Variants in KCNK13 observed in about 807,000 individuals in gnomAD.
The protein encoded by KCNK13 is potassium two pore domain channel subfamily K member 13.
Under a neutral mutation model 23.4 loss-of-function variants are expected in KCNK13, and 12 were observed. The ratio of observed to expected loss-of-function variants is 0.51; its 90% CI spans 0.33 to 0.83. KCNK13 has a LOEUF of 0.83. Ranked by LOEUF, KCNK13 falls within the 40% of genes least tolerant of loss-of-function variation. The pLI is 0.02. For synonymous variants in KCNK13, 231 were observed against 229.5 expected (o/e 1.01, Z -0.06); for missense variants, 463 against 556.3 (o/e 0.83, Z 1.69).
At chr14:90,150,299 A>G (rs1433990821) in intron 1 of KCNK13, among the ~76,000 whole-genome samples, 1 of 152,122 alleles carries the variant, frequency 6.6e-6, no homozygotes, top group African/African-American at 2.4e-5. Flanking sequence ...CCATGTGCTT[A>G]ACTACTATGC....
At position 90,071,905 on chromosome 14, in the gene KCNK13, A is replaced by C. The variant is rs376539819; in HGVS notation, c.334+9366A>C. Reference sequence around the variant, plus strand: ...AGAGTGAGACTCCATCTCAAAAAAAAAAAAGAGGGAAGGAGAGAAGAGTAG... The same window carrying C: ...AGAGTGAGACTCCATCTCAAAAAAACAAAAGAGGGAAGGAGAGAAGAGTAG... On this transcript the variant is annotated intron_variant, in intron 1 of 1. Coordinates refer to ENST00000282146, the MANE Select transcript of KCNK13 (RefSeq NM_022054.4). 5.2e-3 allele frequency among the ~76,000 whole-genome samples: 797 copies of C among 152,138 alleles called. 9 individuals are homozygous for C. The highest frequency in any genetic ancestry group is 0.019 in the African/African-American group (775 of 41,516).
At position 90,181,967 on chromosome 14, in the gene KCNK13, C is replaced by T. The variant is rs141534418; in HGVS notation, c.335-2144C>T. ...CAGCTTTGGGGTCTACATTGAGCCT[C>T]CACTGCCAAGAATTGCTGAGGGACT... On this transcript the variant is annotated intron_variant, in intron 1 of 1. Coordinates refer to ENST00000282146, the MANE Select transcript of KCNK13 (RefSeq NM_022054.4). Among the ~76,000 whole-genome samples the T allele has an allele frequency of 2.0e-3, 304 of 152,300 alleles. 2 individuals carry two copies. The highest frequency in any genetic ancestry group is 6.2e-3 in the African/African-American group (257 of 41,556).
At chr14:90,066,872 G>A (rs758854803) in intron 1 of KCNK13, among the ~76,000 whole-genome samples, 2 of 152,152 alleles carry the variant, frequency 1.3e-5, no homozygotes, top group Non-Finnish European at 2.9e-5. Flanking sequence ...AGTGTTCATA[G>A]CAGCATTATT....
At chr14:90,105,282 C>T (rs1889531215) in intron 1 of KCNK13, among the ~76,000 whole-genome samples, 1 of 152,068 alleles carries the variant, frequency 6.6e-6, no homozygotes, top group Non-Finnish European at 1.5e-5. Flanking sequence ...TTTCTCTCAG[C>T]TTTTTATAAA....
intron 1 of KCNK13, among the ~76,000 whole-genome samples, chr14:90,087,325 C>T (rs1889293169): frequency 2.0e-5 from 3 of 151,590 alleles, no homozygotes; most frequent in Middle Eastern, 3.4e-3. Flanking sequence ...TTTAATGTGT[C>T]GCACATTTAT....
At chr14:90,128,374 AG>A (rs1158030601) in intron 1 of KCNK13, among the ~76,000 whole-genome samples, 1 of 152,192 alleles carries the variant, frequency 6.6e-6, no homozygotes, top group Non-Finnish European at 1.5e-5. Flanking sequence ...GTATGTATTT[AG>A]GCATTTTTCA....
intron 1 of KCNK13, among the ~76,000 whole-genome samples, chr14:90,108,726 A>G (rs1276455021): frequency 6.6e-6 from 1 of 152,202 alleles, no homozygotes; most frequent in African/African-American, 2.4e-5. Context: ...ACACTCTGTT[A>G]TTTAAGATGG....
chr14:90,098,510 C>T (rs368587236), intron 1 of KCNK13, among the ~76,000 whole-genome samples: 1 of 151,858 alleles, frequency 6.6e-6, no homozygotes, highest in Admixed American at 6.6e-5. Context: ...TTTGGGAGGC[C>T]GAGGTGGGCG....
chr14:90,088,734 T>C (rs925813386), intron 1 of KCNK13, among the ~76,000 whole-genome samples: 1 of 152,160 alleles, frequency 6.6e-6, no homozygotes, highest in Admixed American at 6.5e-5. Context: ...CCAAATCTCA[T>C]CTTGAATTGT....
At chr14:90,072,386 A>G (rs1261679398) in intron 1 of KCNK13, among the ~76,000 whole-genome samples, 1 of 152,182 alleles carries the variant, frequency 6.6e-6, no homozygotes, top group African/African-American at 2.4e-5. Flanking sequence ...AGGGAGCAGT[A>G]GGGCCTTGTG....
At chr14:90,066,532 G>A (rs1377743418) in intron 1 of KCNK13, among the ~76,000 whole-genome samples, 1 of 152,126 alleles carries the variant, frequency 6.6e-6, no homozygotes, top group Non-Finnish European at 1.5e-5. Flanking sequence ...CTCCCAAAGT[G>A]CTGAGATTAC....
At position 90,103,396 on chromosome 14, in the gene KCNK13, A is replaced by C. The variant is rs563627542; in HGVS notation, c.334+40857A>C. 2.0e-5 allele frequency among the ~76,000 whole-genome samples: 3 copies of C among 152,326 alleles called. No homozygotes were observed. The South Asian group carries it at 6.2e-4, about 32-fold the overall frequency. On this transcript the variant is annotated intron_variant, in intron 1 of 1. Coordinates refer to ENST00000282146, the MANE Select transcript of KCNK13 (RefSeq NM_022054.4). ...GCCAAAATTACTTACATTCCCACCAATAGTGTACAAGTGTTCCCGTTTCTC... is the reference window on the plus strand; with the variant it reads ...GCCAAAATTACTTACATTCCCACCACTAGTGTACAAGTGTTCCCGTTTCTC...
intron 1 of KCNK13, among the ~76,000 whole-genome samples, chr14:90,148,452 A>G (rs924414585): frequency 3.9e-5 from 6 of 152,244 alleles, no homozygotes; most frequent in Non-Finnish European, 7.3e-5. Context: ...ATGGATAATA[A>G]ATGCTGCCAC....
intron 1 of KCNK13, among the ~76,000 whole-genome samples, chr14:90,113,769 C>T (rs1889642517): frequency 6.6e-6 from 1 of 152,084 alleles, no homozygotes; most frequent in Non-Finnish European, 1.5e-5. Flanking sequence ...CCTGTCTCTA[C>T]TAAAAGTACA....
At chr14:90,179,202 G>A (rs574877749) in intron 1 of KCNK13, among the ~76,000 whole-genome samples, 14 of 146,544 alleles carry the variant, frequency 9.6e-5, no homozygotes, top group Admixed American at 6.7e-4. Context: ...AAGGGGATGG[G>A]TTGGGGTGGG....
chr14:90,099,400 TG>T (rs1219543059), intron 1 of KCNK13, among the ~76,000 whole-genome samples: 1 of 152,180 alleles, frequency 6.6e-6, no homozygotes, highest in African/African-American at 2.4e-5. Flanking sequence ...AAATAAACTC[TG>T]CTGCATCTTG....
chr14:90,063,224 A>G (rs1183415666), intron 1 of KCNK13, among the ~76,000 whole-genome samples: 1 of 152,126 alleles, frequency 6.6e-6, no homozygotes, highest in Middle Eastern at 3.4e-3. Flanking sequence ...AGCTGGTTGG[A>G]GTGGTGGAAG....
chr14:90,184,716 G>A lies in KCNK13; in HGVS notation c.940G>A (p.Val314Met), dbSNP rs1298926026. The A allele has an allele frequency of 6.2e-7, 1 of 1,614,196 alleles. No individual in the cohort carries two copies. Among genetic ancestry groups the A allele is most frequent in the Non-Finnish European group, 8.5e-7 (1 of 1,180,046 alleles). ...RGLLRSRRNV[V>M]MPGSVRNRCN... ...ACTCTTGCGATCACGCAGGAACGTG[G>A]TGATGCCAGGCAGCGTCCGGAACCG... The change falls in exon 2 of 2, where the codon GTG becomes ATG. Residue 314 changes from valine to methionine, a missense_variant. This residue lies in a region of KCNK13 where 166 missense variants were observed against 178.8 expected (regional missense o/e 0.93). Coordinates refer to ENST00000282146, the MANE Select transcript of KCNK13 (RefSeq NM_022054.4). This position sits in a 1 kb window ranked among gnomAD's most constrained non-coding sequence, Gnocchi z 5.6.
At position 90,164,826 on chromosome 14, in the gene KCNK13, T is replaced by C. The variant is rs529817688; in HGVS notation, c.335-19285T>C. ...CTAATCCTTTGTAGGTCTTTGACTT[T>C]CAAATGGGATTTCTGGAAGCATGAG... is the stretch of plus-strand genomic sequence containing the variant. On this transcript the variant is annotated intron_variant, in intron 1 of 1. Coordinates refer to ENST00000282146, the MANE Select transcript of KCNK13 (RefSeq NM_022054.4). Among the ~76,000 whole-genome samples the C allele has an allele frequency of 2.0e-5, 3 of 152,354 alleles. No individual in the cohort carries two copies. The East Asian group carries it at 5.8e-4, about 29-fold the overall frequency.
Sources: allele counts gnomAD v4.1 joint callset (sites outside exome capture counted in the v4.1 genomes callset), GRCh38; gene constraint gnomAD v4.1.1; regional missense constraint gnomAD v4.1.1; non-coding constraint Gnocchi (gnomAD v3.1); transcripts MANE v1.5; gene names NCBI Gene and HGNC (gene_info 2026-07-23, HGNC 2026-07-21).